The following ITPKC variants were observed in gnomAD, a reference collection of about 807,000 sequenced individuals.
ITPKC encodes the protein IP3 3-kinase C.
ITPKC carries 33 observed loss-of-function variants against 67.1 expected under a neutral mutation model. The ratio of observed to expected loss-of-function variants is 0.49; its 90% CI spans 0.37 to 0.66. ITPKC has a LOEUF of 0.66. ITPKC is among the 30% of genes least tolerant of loss of function. The probability of loss-of-function intolerance (pLI) is 0.00; values close to 1 mark genes in which losing one functional copy is unlikely to be tolerated. For missense variants in ITPKC, 820 were observed against 892.1 expected (o/e 0.92, Z 1.03); for synonymous variants, 341 against 359.8 (o/e 0.95, Z 0.59).
chr19:40,727,863 G>T (rs1447551257), intron 2 of ITPKC, among the ~76,000 whole-genome samples: 1 of 152,128 alleles, frequency 6.6e-6, no homozygotes, highest in Admixed American at 6.6e-5. Flanking sequence ...TGCCCAGGCG[G>T]GAGTGCAGTG....
intron 1 of ITPKC, among the ~76,000 whole-genome samples, chr19:40,724,127 G>A (rs1486736307): frequency 6.6e-6 from 1 of 152,176 alleles, no homozygotes; most frequent in Non-Finnish European, 1.5e-5. Context: ...CCAAAGCAAG[G>A]CCAGGTGTGG....
chr19:40,729,133 C>T (rs10420651), intron 2 of ITPKC, 69 bp from the exon 3 acceptor site: 3 of 1,250,978 alleles, frequency 2.4e-6, no homozygotes, highest in African/African-American at 3.0e-5. Context: ...CTGATGCAAA[C>T]AGGCAGCTGC....
chr19:40,734,733 T>G (rs2082286930), intron 4 of ITPKC, among the ~76,000 whole-genome samples: 1 of 150,566 alleles, frequency 6.6e-6, no homozygotes. Flanking sequence ...CTCAGCTTCC[T>G]GACTTGACGT....
At chr19:40,718,732 C>T (rs1379491229) in intron 1 of ITPKC, among the ~76,000 whole-genome samples, 1 of 152,160 alleles carries the variant, frequency 6.6e-6, no homozygotes, top group Non-Finnish European at 1.5e-5. Flanking sequence ...GGGCCTGTGG[C>T]TGTCTTAAAG....
chr19:40,728,037 G>A (rs973508045), intron 2 of ITPKC, among the ~76,000 whole-genome samples: 2 of 152,164 alleles, frequency 1.3e-5, no homozygotes, highest in Non-Finnish European at 2.9e-5. Flanking sequence ...AGCAGGATCA[G>A]GAATGGGTCT....
At chr19:40,729,516 A>G (rs1473712044) in intron 3 of ITPKC, 101 bp downstream of exon 3, 4 of 1,049,630 alleles carry the variant, frequency 3.8e-6, no homozygotes, top group East Asian at 2.6e-5. Flanking sequence ...CTGTAATCCC[A>G]GCACTTTGGG....
chr19:40,723,420 CTCTT>C (rs773529827), intron 1 of ITPKC, among the ~76,000 whole-genome samples: 61 of 152,100 alleles, frequency 4.0e-4, no homozygotes, highest in Non-Finnish European at 6.9e-4. Context: ...TGTTCTCTCT[CTCTT>C]TGTCTACTTC....
At position 40,733,426 on chromosome 19, in the gene ITPKC, C is replaced by T. The variant is rs1051845273; in HGVS notation, c.1674+62C>T. On this transcript the variant is annotated intron_variant, in intron 4 of 6. Coordinates refer to ENST00000263370, the MANE Select transcript of ITPKC (RefSeq NM_025194.3). The stretch of plus-strand genomic sequence containing the variant: ...GCCTATAGCCAGATCCCAGGCAGGG[C>T]TTCTTGGGGAAAGCCACGAGAGAGT... The T allele has an allele frequency of 1.6e-5, 24 of 1,488,386 alleles. No homozygotes were observed. The African/African-American group carries it at 2.8e-4, about 17-fold the overall frequency. The allele number at this position is 1,488,386 out of a possible 1,614,324, so 92.2% of individuals were successfully genotyped here. A position where few individuals can be genotyped will look rare whatever the true frequency, so the allele number is the denominator to read the frequency against.
At position 40,739,482 on chromosome 19, in the gene ITPKC, T is replaced by G; in HGVS notation, c.1974T>G (p.Ala658=). Residue 658 remains alanine (A), a synonymous_variant, in exon 7 of 7, where the codon GCT becomes GCG. Coordinates refer to ENST00000263370, the MANE Select transcript of ITPKC (RefSeq NM_025194.3). ...CGCTCAGCCACAGGCTGCCCTGGGC[T>G]GAGGGCAACCGTGAGGACGGCTACC... ...HQTLSHRLPW[A]EGNREDGYLW... 6.2e-7 allele frequency: 1 copy of G among 1,613,568 alleles called. No individual in the cohort carries two copies. The highest frequency in any genetic ancestry group is 8.5e-7 in the Non-Finnish European group (1 of 1,179,988).
Position 40,729,389 on chromosome 19 carries a change from C to T in ITPKC, c.1443C>T (p.Ser481=), listed in dbSNP as rs770108570. Residue 481 remains serine, a synonymous_variant, in exon 3 of 7, where the codon TCC becomes TCT. Coordinates refer to ENST00000263370, the MANE Select transcript of ITPKC (RefSeq NM_025194.3). ...EDLLADFEGP[S]IMDCKMGSRT... ...TCCTGGCTGACTTTGAGGGCCCCTC[C>T]ATTATGGACTGCAAGATGGGCAGCA... 18 of 1,613,378 alleles carry T rather than the reference C, an allele frequency of 1.1e-5. No individual in the cohort carries two copies. Among genetic ancestry groups the T allele is most frequent in the Non-Finnish European group, 1.4e-5 (16 of 1,179,824 alleles).
intron 3 of ITPKC, among the ~76,000 whole-genome samples, chr19:40,732,639 C>T (rs545762910): frequency 5.3e-5 from 8 of 151,946 alleles, no homozygotes; most frequent in South Asian, 2.1e-4. Context: ...GCTATGTTGC[C>T]GAGGCTGATC....
rs190675206 is a variant in ITPKC at position 40,739,830 on chromosome 19, G to T, written c.*270G>T. ...CAGAAAAACCAGAACGGGGTCCCCG[G>T]ATCTGCCGGGAAGGCTTCTGAGGGG... On this transcript the variant is annotated 3_prime_UTR_variant, in exon 7 of 7. Transcript: ENST00000263370. The T allele has an allele frequency of 9.7e-6, 5 of 516,932 alleles. No individual in the cohort carries two copies. In the South Asian group the frequency reaches 1.1e-4, roughly 12 times the overall value. The allele number at this position is 516,932 out of a possible 1,614,324, so 32.0% of individuals were successfully genotyped here.
At position 40,717,420 on chromosome 19, in the gene ITPKC, T is replaced by C. The variant is rs765719598; in HGVS notation, c.285T>C (p.Thr95=). The C allele has an allele frequency of 1.9e-6, 3 of 1,613,774 alleles. No individual in the cohort carries two copies. The highest frequency in any genetic ancestry group is 3.3e-5 in the Admixed American group (2 of 60,020). ...CAGAATTCTGGACAGACGGACAGACTGAGCCCGCGGCAGCTGGCCTTGGAG... is the reference window on the plus strand; with the variant it reads ...CAGAATTCTGGACAGACGGACAGACCGAGCCCGCGGCAGCTGGCCTTGGAG... The part of the protein sequence containing the change: ...PQAEFWTDGQ[T]EPAAAGLGVE... Residue 95 remains threonine (T), a synonymous_variant, in exon 1 of 7, where the codon ACT becomes ACC. Transcript: ENST00000263370.
intron 4 of ITPKC, among the ~76,000 whole-genome samples, chr19:40,734,416 C>A (rs2082285341): frequency 1.3e-5 from 2 of 151,858 alleles, no homozygotes; most frequent in Admixed American, 1.3e-4. Context: ...GGGAAATTTG[C>A]GAGAGATGAC....
intron 4 of ITPKC, among the ~76,000 whole-genome samples, chr19:40,735,014 T>C (rs1410936109): frequency 6.6e-6 from 1 of 152,170 alleles, no homozygotes; most frequent in Non-Finnish European, 1.5e-5. Flanking sequence ...ACTCCTGACC[T>C]TGTGATCCAC....
At position 40,717,287 on chromosome 19, in the gene ITPKC, G is replaced by A. The variant is rs1255280068; in HGVS notation, c.152G>A (p.Gly51Glu). The A allele has an allele frequency of 2.3e-5, 34 of 1,464,066 alleles. No homozygotes were observed. Among genetic ancestry groups the A allele is most frequent in the East Asian group, 2.3e-4 (9 of 39,792 alleles). The allele number at this position is 1,464,066 out of a possible 1,614,324, so 90.7% of individuals were successfully genotyped here. A position where few individuals can be genotyped will look rare whatever the true frequency, so the allele number is the denominator to read the frequency against. ...RPGPGAGAPA[G>E]RPEGGGPWAR... ...GGGCCCGGCGCAGGGGCCCCGGCGGGGCGGCCGGAGGGGGGCGGGCCCTGG... is the reference window on the plus strand; with the variant it reads ...GGGCCCGGCGCAGGGGCCCCGGCGGAGCGGCCGGAGGGGGGCGGGCCCTGG... Residue 51 changes from glycine (G) to glutamate (E), a missense_variant, in exon 1 of 7, where the codon GGG becomes GAG. Physicochemically the swap from Gly to Glu is moderately conservative, Grantham distance 98. Transcript: ENST00000263370.
chr19:40,718,211 C>A lies in ITPKC; in HGVS notation c.1076C>A (p.Ser359Tyr), dbSNP rs773278220. 6.4e-7 allele frequency: 1 copy of A among 1,551,154 alleles called. No individual in the cohort carries two copies. Among genetic ancestry groups the A allele is most frequent in the Non-Finnish European group, 8.7e-7 (1 of 1,154,678 alleles). ...GAGGGGGGCAGCGGCGGCTTCTCCTCTGCCTCTTCTTTCGACGAGTCTGAG... is the reference window on the plus strand; with the variant it reads ...GAGGGGGGCAGCGGCGGCTTCTCCTATGCCTCTTCTTTCGACGAGTCTGAG... ...RVEGGSGGFSSASSFDESEDD... is the reference protein window; with the variant it reads ...RVEGGSGGFSYASSFDESEDD... Residue 359 changes from serine to tyrosine, a missense_variant, in exon 1 of 7, where the codon TCT (serine) becomes TAT (tyrosine). Physicochemically the swap from Ser to Tyr is moderately radical, Grantham distance 144. This residue lies in a region of ITPKC where 481 missense variants were observed against 470.1 expected (regional missense o/e 1.02). Transcript: ENST00000263370.
chr19:40,729,771 A>G (rs2082262444), intron 3 of ITPKC, among the ~76,000 whole-genome samples: 1 of 146,078 alleles, frequency 6.8e-6, no homozygotes, highest in East Asian at 1.9e-4. Context: ...CTGTCTCAAA[A>G]AAAAGAAAAG....
In ITPKC at chr19:40,726,875, C is replaced by T. The variant is rs568252484; in HGVS notation, c.1255+1436C>T. On this transcript the variant is annotated intron_variant, in intron 2 of 6. Coordinates refer to ENST00000263370, the MANE Select transcript of ITPKC (RefSeq NM_025194.3). ...TGGGTGACATAGTGAGACCTTGTCT[C>T]TACGAAAAATAAAGAAATTAACTGG... 6.0e-4 allele frequency among the ~76,000 whole-genome samples: 92 copies of T among 152,082 alleles called. 1 individual carries two copies. The highest frequency in any genetic ancestry group is 2.1e-3 in the African/African-American group (88 of 41,468).
Sources: allele counts gnomAD v4.1 joint callset (sites outside exome capture counted in the v4.1 genomes callset), GRCh38; gene constraint gnomAD v4.1.1; regional missense constraint gnomAD v4.1.1; transcripts MANE v1.5; gene names NCBI Gene and HGNC (gene_info 2026-07-23, HGNC 2026-07-21).